TTLL11: variants seen among roughly 807,000 people sequenced by gnomAD.
TTLL11 encodes the protein tubulin polyglutamylase TTLL11.
A neutral mutation model predicts 51.7 loss-of-function variants in TTLL11; 42 were observed. The ratio of observed to expected loss-of-function variants is 0.81; its 90% confidence interval spans 0.64 to 1.05. The LOEUF is 1.05. Ranked by LOEUF, TTLL11 falls within the 50% of genes least tolerant of loss-of-function variation. TTLL11 has a pLI of 0.00. For synonymous variants in TTLL11, 381 were observed against 383.5 expected, an observed-to-expected ratio of 0.99 and a Z score of 0.08; for missense variants, 799 against 940.4, an observed-to-expected ratio of 0.85 and a Z score of 1.97.
rs772648814 is a variant in TTLL11 at position 122,039,285 on chromosome 9, C to T, written c.546G>A (p.Val182=). The T allele has an allele frequency of 6.2e-7, 1 of 1,613,914 alleles. No individual in the cohort carries two copies. The highest frequency in any genetic ancestry group is 1.7e-5 in the Admixed American group (1 of 60,014). Residue 182 remains valine (V), a synonymous_variant, in exon 2 of 9, where the codon GTG becomes GTA. Transcript: ENST00000321582. ...FHDNDIFSGQ[V]NKFPGMTEMV... Reference sequence around the variant, plus strand: ...AACAGCAGATACCTGGAAACTTGTTCACTTGACCGGAGAATATGTCATTGT... The same window carrying T: ...AACAGCAGATACCTGGAAACTTGTTTACTTGACCGGAGAATATGTCATTGT...
At chr9:121,959,010 C>T (rs1054134520) in intron 6 of TTLL11, among the ~76,000 whole-genome samples, 1 of 152,142 alleles carries the variant, frequency 6.6e-6, no homozygotes, top group Non-Finnish European at 1.5e-5. Flanking sequence ...CTTAAGGCCC[C>T]CAAGGCACTT....
At chr9:122,061,147 C>T (rs1320699776) in intron 1 of TTLL11, among the ~76,000 whole-genome samples, 1 of 152,172 alleles carries the variant, frequency 6.6e-6, no homozygotes. Flanking sequence ...CACATGGCCC[C>T]CCTCTCCATA....
intron 1 of TTLL11, among the ~76,000 whole-genome samples, chr9:122,046,528 A>G (rs1334725830): frequency 6.6e-6 from 1 of 152,154 alleles, no homozygotes; most frequent in Non-Finnish European, 1.5e-5. Flanking sequence ...AGCTGTCTGC[A>G]GTGTAGAATG....
At chr9:121,975,851 G>T (rs183882204) in intron 4 of TTLL11, among the ~76,000 whole-genome samples, 2 of 152,296 alleles carry the variant, frequency 1.3e-5, no homozygotes, top group East Asian at 3.9e-4. Flanking sequence ...TAAGAAGACA[G>T]GAATATTGAT....
At chr9:121,864,292 T>C (rs923071647) in intron 7 of TTLL11, among the ~76,000 whole-genome samples, 3 of 152,106 alleles carry the variant, frequency 2.0e-5, no homozygotes, top group Non-Finnish European at 4.4e-5. Flanking sequence ...GGGGTAAAAA[T>C]GTGGCTCTTA....
chr9:121,892,158 A>T (rs1839267072), intron 6 of TTLL11, among the ~76,000 whole-genome samples: 2 of 146,678 alleles, frequency 1.4e-5, no homozygotes, highest in South Asian at 4.3e-4. Flanking sequence ...ATACATATAC[A>T]TATATACACA....
At chr9:121,979,044 A>C (rs1842775240) in intron 4 of TTLL11, among the ~76,000 whole-genome samples, 1 of 152,138 alleles carries the variant, frequency 6.6e-6, no homozygotes, top group African/African-American at 2.4e-5. Context: ...AGAAATGATG[A>C]AATGTCACCT....
At chr9:121,883,682 C>T (rs891352739) in intron 6 of TTLL11, among the ~76,000 whole-genome samples, 2 of 152,196 alleles carry the variant, frequency 1.3e-5, no homozygotes, top group Non-Finnish European at 2.9e-5. Context: ...TTTCTCTTGT[C>T]ACTGCACAAT....
At chr9:121,938,302 A>AAAAAAAAAAAAAAG (rs1841308725) in intron 6 of TTLL11, among the ~76,000 whole-genome samples, 1 of 151,890 alleles carries the variant, frequency 6.6e-6, no homozygotes. Context: ...AAGAAAAAAA[A>AAAAAAAAAAAAAAG]AAAAATCAGG....
At chr9:121,877,902 G>A (rs1231395362) in intron 6 of TTLL11, among the ~76,000 whole-genome samples, 2 of 152,144 alleles carry the variant, frequency 1.3e-5, no homozygotes, top group Non-Finnish European at 2.9e-5. Flanking sequence ...GAGCTGTCAG[G>A]CACTCACTGA....
chr9:121,961,543 A>G (rs1310269815), intron 6 of TTLL11, among the ~76,000 whole-genome samples: 3 of 151,892 alleles, frequency 2.0e-5, no homozygotes, highest in Non-Finnish European at 4.4e-5. Context: ...CCACTCTTCT[A>G]CTCTACATTG....
At position 121,880,436 on chromosome 9, in the gene TTLL11, C is replaced by T. The variant is rs143593512; in HGVS notation, c.1482-9688G>A. ...CTCACCTTTCCCAAAATGCTTCCCA[C>T]GGCTTTTGGAGATAGAATCAACCAT... On this transcript the variant is annotated intron_variant, in intron 6 of 8. Coordinates refer to ENST00000321582, the MANE Select transcript of TTLL11 (RefSeq NM_001139442.2). 2.7e-4 allele frequency among the ~76,000 whole-genome samples: 41 copies of T among 152,326 alleles called. No individual in the cohort carries two copies. The East Asian group carries it at 5.4e-3, about 20-fold the overall frequency.
intron 1 of TTLL11, among the ~76,000 whole-genome samples, chr9:122,054,687 A>G (rs1250754099): frequency 1.3e-5 from 2 of 152,236 alleles, no homozygotes; most frequent in African/African-American, 2.4e-5. Flanking sequence ...TAAATTATAA[A>G]TGAACTCCAT....
intron 6 of TTLL11, among the ~76,000 whole-genome samples, chr9:121,891,602 T>C (rs1588100128): frequency 1.3e-5 from 2 of 152,336 alleles, no homozygotes; most frequent in Non-Finnish European, 1.5e-5. Flanking sequence ...TCACTGAGCA[T>C]AGAAAACGTC....
At chr9:121,929,162 C>T (rs1181469328) in intron 6 of TTLL11, among the ~76,000 whole-genome samples, 1 of 152,122 alleles carries the variant, frequency 6.6e-6, no homozygotes, top group African/African-American at 2.4e-5. Flanking sequence ...CACATTTTGG[C>T]CGGGCGCGGT....
At chr9:122,008,616 G>A (rs1236507415) in intron 3 of TTLL11, among the ~76,000 whole-genome samples, 1 of 152,120 alleles carries the variant, frequency 6.6e-6, no homozygotes, top group Non-Finnish European at 1.5e-5. Context: ...TTGGTGGGAA[G>A]GTAAATTAGT....
chr9:121,958,577 G>A (rs1013785741), intron 6 of TTLL11, among the ~76,000 whole-genome samples: 1 of 152,146 alleles, frequency 6.6e-6, no homozygotes, highest in Non-Finnish European at 1.5e-5. Flanking sequence ...AGAGGTCATG[G>A]TGTATAGAAA....
In TTLL11 at chr9:121,922,643, T is replaced by C. The variant is rs754967102; in HGVS notation, c.1481+51366A>G. Among the ~76,000 whole-genome samples the C allele has an allele frequency of 9.2e-5, 14 of 152,294 alleles. 1 individual carries two copies. Among genetic ancestry groups the C allele is most frequent in the South Asian group, 4.1e-4 (2 of 4,824 alleles). The stretch of plus-strand genomic sequence containing the variant: ...AATGACTCCAATTCTGGAAATCCTA[T>C]AGCAGCCCCTGCTGTCACCATGATA... On this transcript the variant is annotated intron_variant, in intron 6 of 8. Coordinates refer to ENST00000321582, the MANE Select transcript of TTLL11 (RefSeq NM_001139442.2).
chr9:121,863,056 T>C (rs1207045822), intron 7 of TTLL11, among the ~76,000 whole-genome samples: 1 of 152,096 alleles, frequency 6.6e-6, no homozygotes, highest in African/African-American at 2.4e-5. Flanking sequence ...TCCCTTTCTT[T>C]CTTCCCGCCT....
Sources: gnomAD v4.1 joint callset for allele counts (sites outside exome capture counted in the v4.1 genomes callset) on GRCh38, gnomAD v4.1.1 for gene constraint, MANE v1.5 for transcripts, NCBI Gene and HGNC (gene_info 2026-07-23, HGNC 2026-07-21) for gene names.